The following PPP3R1 variants were observed in gnomAD, a reference collection of about 807,000 sequenced individuals.
PPP3R1 encodes calcineurin subunit B type 1.
A neutral mutation model predicts 22.6 loss-of-function variants in PPP3R1; 5 were observed. The ratio of observed to expected loss-of-function variants is 0.22; its 90% CI spans 0.12 to 0.46. The LOEUF (loss-of-function observed/expected upper bound fraction) is 0.46. PPP3R1 is among the 20% of genes least tolerant of loss of function. PPP3R1 has a pLI of 0.99. For synonymous variants in PPP3R1, 56 were observed against 65.2 expected (o/e 0.86, Z 0.68); for missense variants, 61 against 203.2 (o/e 0.30, Z 4.25).
At chr2:68,197,435 T>C (rs1313174437) in intron 2 of PPP3R1, among the ~76,000 whole-genome samples, 1 of 152,212 alleles carries the variant, frequency 6.6e-6, no homozygotes, top group Non-Finnish European at 1.5e-5. Context: ...ATTCATCTGT[T>C]GACAGACATT....
chr2:68,243,845 C>G (rs993109481), intron 1 of PPP3R1, among the ~76,000 whole-genome samples: 2 of 151,628 alleles, frequency 1.3e-5, no homozygotes, highest in Non-Finnish European at 2.9e-5. Flanking sequence ...AAAACTTTTA[C>G]GATCAATCTT....
intron 2 of PPP3R1, among the ~76,000 whole-genome samples, chr2:68,191,559 A>G (rs1345151842): frequency 6.6e-6 from 1 of 152,158 alleles, no homozygotes; most frequent in Non-Finnish European, 1.5e-5. Flanking sequence ...AACTCTGTAC[A>G]CTTAGGCTAC....
intron 5 of PPP3R1, among the ~76,000 whole-genome samples, chr2:68,185,229 A>G (rs571125119): frequency 6.6e-6 from 1 of 151,052 alleles, no homozygotes; most frequent in South Asian, 2.1e-4. Flanking sequence ...AAAAAAAAAA[A>G]AAAGAAAGCT....
intron 2 of PPP3R1, 47 bp from the exon 3 acceptor site, chr2:68,188,737 C>G: frequency 3.4e-6 from 5 of 1,483,800 alleles, no homozygotes; most frequent in Non-Finnish European, 4.5e-6. Flanking sequence ...AAAATGTTCC[C>G]AAATCCTTTC....
At chr2:68,233,261 T>C (rs879029440) in intron 1 of PPP3R1, among the ~76,000 whole-genome samples, 1 of 152,252 alleles carries the variant, frequency 6.6e-6, no homozygotes, top group Admixed American at 6.5e-5. Context: ...TTGCATGTTT[T>C]GTTTACTCTT....
At chr2:68,209,330 G>C (rs1269666010) in intron 2 of PPP3R1, among the ~76,000 whole-genome samples, 9 of 108,144 alleles carry the variant, frequency 8.3e-5, no homozygotes, top group Admixed American at 2.6e-4. Context: ...CTGCACTCCA[G>C]CCTGGGCGAC....
At chr2:68,208,497 C>T (rs780070732) in intron 2 of PPP3R1, among the ~76,000 whole-genome samples, 1 of 152,206 alleles carries the variant, frequency 6.6e-6, no homozygotes, top group Non-Finnish European at 1.5e-5. Flanking sequence ...TGCTGGCAAG[C>T]AGCAGTTTAC....
At chr2:68,228,153 G>A (rs1254743932) in intron 1 of PPP3R1, among the ~76,000 whole-genome samples, 1 of 151,814 alleles carries the variant, frequency 6.6e-6, no homozygotes, top group African/African-American at 2.4e-5. Context: ...TTTTTGTTTT[G>A]TCTTGGGTTT....
chr2:68,185,904 A>G (rs1426200221), intron 5 of PPP3R1, among the ~76,000 whole-genome samples: 1 of 152,266 alleles, frequency 6.6e-6, no homozygotes, highest in Non-Finnish European at 1.5e-5. Context: ...TTAAAGGTCA[A>G]AGTAGCTACA....
intron 2 of PPP3R1, among the ~76,000 whole-genome samples, chr2:68,216,532 G>A (rs922489013): frequency 6.6e-6 from 1 of 151,988 alleles, no homozygotes; most frequent in Admixed American, 6.5e-5. Flanking sequence ...TCTTCTTCCA[G>A]AAAATACGGA....
chr2:68,238,444 A>G (rs903741387), intron 1 of PPP3R1, among the ~76,000 whole-genome samples: 13 of 152,182 alleles, frequency 8.5e-5, no homozygotes, highest in Admixed American at 3.9e-4. Context: ...AAAGGCATCA[A>G]TAAGTGAAAA....
At chr2:68,197,317 C>T (rs1233545636) in intron 2 of PPP3R1, among the ~76,000 whole-genome samples, 1 of 152,126 alleles carries the variant, frequency 6.6e-6, no homozygotes, top group East Asian at 1.9e-4. Flanking sequence ...TCTTCTTTTA[C>T]TCACCAAGTT....
intron 5 of PPP3R1, among the ~76,000 whole-genome samples, chr2:68,182,243 A>C (rs1424484357): frequency 6.6e-6 from 1 of 152,178 alleles, no homozygotes; most frequent in Non-Finnish European, 1.5e-5. Context: ...ATTCAAACTA[A>C]AAAAATAGTC....
At chr2:68,186,026 T>C (rs1192669122) in intron 5 of PPP3R1, among the ~76,000 whole-genome samples, 1 of 152,196 alleles carries the variant, frequency 6.6e-6, no homozygotes, top group Non-Finnish European at 1.5e-5. Flanking sequence ...CATCCAATCA[T>C]TACTGACAGA....
At chr2:68,240,609 C>G (rs777491313) in intron 1 of PPP3R1, among the ~76,000 whole-genome samples, 2 of 152,148 alleles carry the variant, frequency 1.3e-5, no homozygotes, top group Non-Finnish European at 2.9e-5. Context: ...GAGTGTATGG[C>G]TCCCCCTTAG....
At chr2:68,234,110 G>A (rs1046218946) in intron 1 of PPP3R1, among the ~76,000 whole-genome samples, 2 of 152,250 alleles carry the variant, frequency 1.3e-5, no homozygotes, top group Middle Eastern at 3.4e-3. Context: ...TTGGGAGGCC[G>A]AGGCCAGCAG....
chr2:68,194,710 G>T lies in PPP3R1; in HGVS notation c.44-6020C>A, dbSNP rs554678117. Among the ~76,000 whole-genome samples, 3 of 152,182 alleles carry T rather than the reference G, an allele frequency of 2.0e-5. No individual in the cohort carries two copies. In the East Asian group the frequency reaches 5.8e-4, roughly 29 times the overall value. ...AAGTAAAGACAACTTAAAGCAGTGT[G>T]AACTGTTTTAGGTGATGCTAAAATT... On this transcript the variant is annotated intron_variant, in intron 2 of 5. Coordinates refer to ENST00000234310, the MANE Select transcript of PPP3R1 (RefSeq NM_000945.4).
intron 1 of PPP3R1, among the ~76,000 whole-genome samples, chr2:68,220,168 A>C (rs1177349847): frequency 6.6e-6 from 1 of 152,226 alleles, no homozygotes; most frequent in Non-Finnish European, 1.5e-5. Context: ...TCCAGGTTGC[A>C]GCACAGGAAC....
At chr2:68,201,804 C>G (rs923863143) in intron 2 of PPP3R1, among the ~76,000 whole-genome samples, 1 of 152,176 alleles carries the variant, frequency 6.6e-6, no homozygotes, top group African/African-American at 2.4e-5. Context: ...ATGTATTACT[C>G]CACTGCCTTC....
Sources: gnomAD v4.1 joint callset for allele counts (sites outside exome capture counted in the v4.1 genomes callset) on GRCh38, gnomAD v4.1.1 for gene constraint, MANE v1.5 for transcripts, NCBI Gene and HGNC (gene_info 2026-07-23, HGNC 2026-07-21) for gene names.